PCDH15: variants seen among roughly 807,000 people sequenced by gnomAD.
The protein encoded by PCDH15 is protocadherin related 15.
PCDH15 carries 129 observed loss-of-function variants against 178.5 expected under a neutral mutation model. The observed-to-expected ratio is 0.72, with a 90% CI of 0.63 to 0.84. The LOEUF is 0.84. PCDH15 is among the 40% of genes least tolerant of loss of function. The pLI, the probability that PCDH15 is intolerant of heterozygous loss-of-function variation, is 0.00. For synonymous variants in PCDH15, 800 were observed against 732.0 expected (o/e 1.09, Z -1.50); for missense variants, 2,230 against 2,099.9 (o/e 1.06, Z -1.21).
chr10:55,411,243 C>G (rs564750435), intron 2 of PCDH15, among the ~76,000 whole-genome samples: 4 of 151,914 alleles, frequency 2.6e-5, no homozygotes, highest in African/African-American at 9.7e-5. Flanking sequence ...AAAACTGTGC[C>G]CAGTGCTGCT....
intron 2 of PCDH15, among the ~76,000 whole-genome samples, chr10:55,374,839 A>G (rs1236981411): frequency 1.3e-5 from 2 of 152,108 alleles, no homozygotes; most frequent in Admixed American, 1.3e-4. Context: ...TTCCATAAAT[A>G]TGATTTGAAT....
At chr10:53,858,444 G>A (rs187841005) in intron 27 of PCDH15, among the ~76,000 whole-genome samples, 9 of 152,240 alleles carry the variant, frequency 5.9e-5, no homozygotes, top group Non-Finnish European at 1.3e-4. Flanking sequence ...ACATAACTCT[G>A]CTGAAGAGGT....
intron 29 of PCDH15, among the ~76,000 whole-genome samples, chr10:53,831,943 A>G (rs961796727): frequency 7.2e-5 from 11 of 152,142 alleles, no homozygotes; most frequent in African/African-American, 2.7e-4. Flanking sequence ...AACCCTGTAA[A>G]GATCAAACAT....
intron 2 of PCDH15, among the ~76,000 whole-genome samples, chr10:55,084,996 C>T (rs1435585050): frequency 6.6e-6 from 1 of 151,858 alleles, no homozygotes; most frequent in Non-Finnish European, 1.5e-5. Context: ...ATTAGTACAG[C>T]CATTACAGAG....
intron 2 of PCDH15, among the ~76,000 whole-genome samples, chr10:54,957,792 G>C (rs905988841): frequency 2.0e-5 from 3 of 151,692 alleles, no homozygotes; most frequent in African/African-American, 7.2e-5. Context: ...TGATATAGGA[G>C]ATCAGAATAT....
intron 1 of PCDH15, among the ~76,000 whole-genome samples, chr10:55,224,499 T>TA (rs545589027): frequency 6.6e-6 from 1 of 152,152 alleles, no homozygotes; most frequent in South Asian, 2.1e-4. Flanking sequence ...CCCTGCTCCT[T>TA]ACATGAAGCA....
chr10:54,548,366 C>T (rs1329321989), intron 2 of PCDH15, among the ~76,000 whole-genome samples: 4 of 147,848 alleles, frequency 2.7e-5, no homozygotes, highest in African/African-American at 9.8e-5. Context: ...GTGAAATTAT[C>T]TATTGTAATT....
chr10:54,070,670 G>A (rs2094223960), intron 17 of PCDH15, among the ~76,000 whole-genome samples: 1 of 152,020 alleles, frequency 6.6e-6, no homozygotes, highest in African/African-American at 2.4e-5. Context: ...GCTCACAGCA[G>A]CTTTGAACTC....
At chr10:54,459,742 C>A (rs1048599791) in intron 3 of PCDH15, among the ~76,000 whole-genome samples, 11 of 152,076 alleles carry the variant, frequency 7.2e-5, no homozygotes, top group Admixed American at 3.3e-4. Flanking sequence ...ACTAAAAAAT[C>A]TATTCCAGTG....
chr10:55,296,273 T>C (rs1196397192), intron 1 of PCDH15, among the ~76,000 whole-genome samples: 1 of 152,124 alleles, frequency 6.6e-6, no homozygotes, highest in African/African-American at 2.4e-5. Flanking sequence ...GAGTAAATCA[T>C]TGGCACTTTG....
intron 1 of PCDH15, among the ~76,000 whole-genome samples, chr10:55,272,528 C>G (rs1423306740): frequency 2.6e-5 from 4 of 151,824 alleles, no homozygotes; most frequent in African/African-American, 4.8e-5. Context: ...CCTACGGACA[C>G]ACACCACCAC....
chr10:54,880,179 T>C (rs1349892), intron 3 of PCDH15, among the ~76,000 whole-genome samples: 112,859 of 151,504 alleles, frequency 0.74, 42,398 homozygotes, highest in East Asian at 0.89. Flanking sequence ...AATATTTCCC[T>C]GAACTACGAT....
chr10:54,468,607 A>G (rs2077687006), intron 3 of PCDH15, among the ~76,000 whole-genome samples: 1 of 152,160 alleles, frequency 6.6e-6, no homozygotes. Flanking sequence ...TGATCAGAAG[A>G]ATGTGTGTTC....
At chr10:55,575,136 T>A (rs1461675177) in intron 2 of PCDH15, among the ~76,000 whole-genome samples, 1 of 152,098 alleles carries the variant, frequency 6.6e-6, no homozygotes, top group Non-Finnish European at 1.5e-5. Context: ...CTATAACACA[T>A]GATCTGAATC....
chr10:53,857,787 A>G (rs1015210348), intron 27 of PCDH15, among the ~76,000 whole-genome samples: 23 of 152,078 alleles, frequency 1.5e-4, no homozygotes, highest in Admixed American at 1.1e-3. Context: ...AACTTTACAT[A>G]TGGGTTAAAT....
chr10:54,240,235 A>T (rs1270852287), intron 8 of PCDH15, among the ~76,000 whole-genome samples: 1 of 152,006 alleles, frequency 6.6e-6, no homozygotes, highest in Middle Eastern at 3.2e-3. Context: ...GAAGTAAAAT[A>T]ATAATAATAA....
intron 1 of PCDH15, among the ~76,000 whole-genome samples, chr10:55,247,053 C>T (rs567828451): frequency 6.6e-6 from 1 of 152,076 alleles, no homozygotes; most frequent in Non-Finnish European, 1.5e-5. Context: ...ATACCTACCC[C>T]ACATATTTAT....
At chr10:54,385,625 T>C (rs1189573574) in intron 3 of PCDH15, among the ~76,000 whole-genome samples, 2 of 152,172 alleles carry the variant, frequency 1.3e-5, no homozygotes, top group Admixed American at 6.6e-5. Context: ...AGTTTTCTGA[T>C]AGGCTTATCA....
chr10:55,192,741 C>CTA lies in PCDH15; in HGVS notation c.-155-26092_-155-26091dup, dbSNP rs59956617. 5.1e-3 allele frequency among the ~76,000 whole-genome samples: 755 copies of CTA among 147,514 alleles called. 8 individuals carry two copies. Among genetic ancestry groups the CTA allele is most frequent in the East Asian group, 0.041 (203 of 4,924 alleles). On this transcript the variant is annotated intron_variant, in intron 1 of 5. Transcript: ENST00000458638. The stretch of plus-strand genomic sequence containing the variant: ...AAAGAATCTCTCTCTCTCTCTCTCT[C>CTA]TATATATATATATACATATAGATAC...
Sources: gnomAD v4.1 joint callset for allele counts (sites outside exome capture counted in the v4.1 genomes callset) on GRCh38, gnomAD v4.1.1 for gene constraint, MANE v1.5 for transcripts, NCBI Gene and HGNC (gene_info 2026-07-23, HGNC 2026-07-21) for gene names.